MYO7B: variants seen among roughly 807,000 people sequenced by gnomAD.
MYO7B encodes unconventional myosin-VIIb.
Under a neutral mutation model 259.7 loss-of-function variants are expected in MYO7B, and 212 were observed. The ratio of observed to expected loss-of-function variants is 0.82; its 90% CI spans 0.73 to 0.91. MYO7B has a LOEUF of 0.91. Ranked by LOEUF, MYO7B falls within the 40% of genes least tolerant of loss-of-function variation. The pLI is 0.00. For synonymous variants in MYO7B, 1,197 were observed against 1,166.4 expected (o/e 1.03, Z -0.54); for missense variants, 2,732 against 2,813.5 (o/e 0.97, Z 0.66).
In MYO7B at chr2:127,629,744, A is replaced by C. The variant is rs865796006; in HGVS notation, c.4724A>C (p.Asp1575Ala). Residue 1575 changes from aspartate to alanine, a missense_variant, in exon 35 of 48, where the codon GAC becomes GCC. This residue lies in a region of MYO7B where 821 missense variants were observed against 769.3 expected (regional missense o/e 1.07). Transcript: ENST00000409816. ...GAGAACTGGACCCTCGGCCAGAACGACAGGACAGGCAAGACGGGGCTGGTG... is the reference window on the plus strand; with the variant it reads ...GAGAACTGGACCCTCGGCCAGAACGCCAGGACAGGCAAGACGGGGCTGGTG... ...ASENWTLGQN[D>A]RTGKTGLVPM... 1.2e-6 allele frequency: 2 copies of C among 1,612,204 alleles called. No individual in the cohort carries two copies. Among genetic ancestry groups the C allele is most frequent in the Admixed American group, 1.7e-5 (1 of 59,884 alleles).
rs993277026 is a variant in MYO7B at position 127,577,596 on chromosome 2, A to T, written c.850-537A>T. ...CTCCCCACCTCGTGGCCTTGCTCCC[A>T]TCATCCTCTGCCTAAACTGCCCTCT... On this transcript the variant is annotated intron_variant, in intron 8 of 47. Coordinates refer to ENST00000409816, the MANE Select transcript of MYO7B (RefSeq NM_001393586.1). This position sits in a 1 kb window ranked among gnomAD's most constrained non-coding sequence, Gnocchi z 5.2. Among the ~76,000 whole-genome samples, 5 of 151,028 alleles carry T rather than the reference A, an allele frequency of 3.3e-5. No individual in the cohort carries two copies. Among genetic ancestry groups the T allele is most frequent in the Non-Finnish European group, 7.4e-5 (5 of 67,846 alleles).
intron 15 of MYO7B, among the ~76,000 whole-genome samples, 182 bp from the exon 16 acceptor site, chr2:127,589,910 G>C (rs1381526154): frequency 1.0e-4 from 15 of 147,582 alleles, no homozygotes; most frequent in African/African-American, 3.8e-4. Flanking sequence ...ATGGGTGAAG[G>C]GGTGGGTGGA....
chr2:127,636,438 GA>G lies in MYO7B; in HGVS notation c.6124-106del. On this transcript the variant is annotated intron_variant, in intron 45 of 47. Coordinates refer to ENST00000409816, the MANE Select transcript of MYO7B (RefSeq NM_001393586.1). This position sits in a 1 kb window ranked among gnomAD's most constrained non-coding sequence, Gnocchi z 4.5. Reference sequence around the variant, plus strand: ...TTGGGTGGGGCTGGCCGTGAGGCTGGAGGGCGTGGGTGTATGTGTGTATGTG... The same window carrying G: ...TTGGGTGGGGCTGGCCGTGAGGCTGGGGGCGTGGGTGTATGTGTGTATGTG... The G allele has an allele frequency of 7.0e-7, 1 of 1,421,528 alleles. No individual in the cohort carries two copies. Among genetic ancestry groups the G allele is most frequent in the East Asian group, 2.4e-5 (1 of 41,698 alleles). 88.1% of individuals were successfully genotyped at this position (1,421,528 alleles called of 1,614,324 possible).
intron 40 of MYO7B, among the ~76,000 whole-genome samples, chr2:127,633,685 C>A (rs1681641144): frequency 6.6e-6 from 1 of 152,174 alleles, no homozygotes. Context: ...TGCAGGAGAG[C>A]AGGTATTCCC....
chr2:127,553,757 C>T (rs1693538388), intron 1 of MYO7B, among the ~76,000 whole-genome samples: 1 of 152,192 alleles, frequency 6.6e-6, no homozygotes, highest in African/African-American at 2.4e-5. Flanking sequence ...ATTTCTTTCT[C>T]TTGTCTGATT....
rs752990248 is a variant in MYO7B at position 127,578,213 on chromosome 2, C to T, written c.930C>T (p.Phe310=). The T allele has an allele frequency of 3.0e-5, 48 of 1,613,806 alleles. No individual in the cohort carries two copies. In the African/African-American group the frequency reaches 6.0e-4, roughly 20 times the overall value. The change falls in exon 9 of 48, where the codon TTC becomes TTT. Residue 310 remains phenylalanine, a synonymous_variant. Transcript: ENST00000409816. ...HIRSAMKILQ[F]SDSESWDVIK... is the part of the protein sequence containing the mutation. ...GCTCGGCCATGAAGATCCTCCAGTT[C>T]TCCGACTCCGAGAGCTGGGACGTCA...
At position 127,586,487 on chromosome 2, in the gene MYO7B, T is replaced by A. The variant is rs79755705; in HGVS notation, c.1690+1574T>A. ...CATTTAGTCAGAACAGGCTAGGCTT[T>A]GGGAGGCCAAGGGAGAAAGGGAAAG... On this transcript the variant is annotated intron_variant, in intron 14 of 47. Coordinates refer to ENST00000409816, the MANE Select transcript of MYO7B (RefSeq NM_001393586.1). The surrounding 1 kb of genome is among the most constrained non-coding windows in gnomAD (Gnocchi z 4.8). 0.028 allele frequency among the ~76,000 whole-genome samples: 4,206 copies of A among 152,204 alleles called. 217 individuals carry two copies. Among genetic ancestry groups the A allele is most frequent in the African/African-American group, 0.096 (3,991 of 41,506 alleles).
At chr2:127,632,670 TAGAG>T (rs1042539143) in intron 39 of MYO7B, among the ~76,000 whole-genome samples, 13 of 152,146 alleles carry the variant, frequency 8.5e-5, no homozygotes, top group African/African-American at 2.9e-4. Context: ...GCCTGAGGGA[TAGAG>T]AGAAACCTGG....
chr2:127,632,381 C>T lies in MYO7B; in HGVS notation c.5385C>T (p.Arg1795=). 1 of 1,575,800 alleles carries T rather than the reference C, an allele frequency of 6.3e-7. No homozygotes were observed. The highest frequency in any genetic ancestry group is 8.6e-7 in the Non-Finnish European group (1 of 1,160,298). Reference sequence around the variant, plus strand: ...AGCTGCTGGCCCCCGACTGCAGCCGCCGAATCCAGAAGGTCCTGAGGTGAG... The same window carrying T: ...AGCTGCTGGCCCCCGACTGCAGCCGTCGAATCCAGAAGGTCCTGAGGTGAG... ...RGKLLAPDCS[R]RIQKVLRTGP... Residue 1795 remains arginine (R), a synonymous_variant, in exon 39 of 48, where the codon CGC becomes CGT. Coordinates refer to ENST00000409816, the MANE Select transcript of MYO7B (RefSeq NM_001393586.1).
At chr2:127,589,499 C>T (rs968873728) in intron 15 of MYO7B, among the ~76,000 whole-genome samples, 3 of 144,060 alleles carry the variant, frequency 2.1e-5, no homozygotes, top group African/African-American at 2.6e-5. Context: ...GTGGGGGCCA[C>T]GCCTGGGTAG....
At chr2:127,557,080 T>A (rs1421975359) in intron 1 of MYO7B, among the ~76,000 whole-genome samples, 1 of 152,210 alleles carries the variant, frequency 6.6e-6, no homozygotes, top group Non-Finnish European at 1.5e-5. Flanking sequence ...GTTCATTTTT[T>A]AAAAATCTTT....
In MYO7B at chr2:127,636,124, C is replaced by A. The variant is rs1681788453; in HGVS notation, c.6007-84C>A. 1 of 1,237,250 alleles carries A rather than the reference C, an allele frequency of 8.1e-7. No individual in the cohort carries two copies. The highest frequency in any genetic ancestry group is 1.2e-6 in the Non-Finnish European group (1 of 859,328). 76.6% of individuals were successfully genotyped at this position (1,237,250 alleles called of 1,614,324 possible). ...CCCCTCCCCTCCCCACCGTACTAGC[C>A]CTGGGGTAGGCAGGTGCTGCCCCCA... On this transcript the variant is annotated intron_variant, in intron 44 of 47. Transcript: ENST00000409816. The surrounding 1 kb of genome is among the most constrained non-coding windows in gnomAD (Gnocchi z 4.5).
At chr2:127,622,292 C>A (rs558255071) in intron 28 of MYO7B, among the ~76,000 whole-genome samples, 191 bp downstream of exon 28, 1 of 152,242 alleles carries the variant, frequency 6.6e-6, no homozygotes, top group African/African-American at 2.4e-5. Flanking sequence ...CCAGGCGTGA[C>A]CCCCATCTCC....
intron 31 of MYO7B, chr2:127,625,967 C>T (rs1052122395): frequency 1.7e-4 from 28 of 167,694 alleles, no homozygotes; most frequent in Middle Eastern, 5.4e-3. Flanking sequence ...TCTAAACATT[C>T]GATACATATC....
intron 2 of MYO7B, among the ~76,000 whole-genome samples, chr2:127,560,486 C>T (rs1051007656): frequency 3.9e-5 from 6 of 152,140 alleles, no homozygotes; most frequent in African/African-American, 9.7e-5. Context: ...TCCTGTGTTC[C>T]GGTGGCCAAG....
At chr2:127,619,681 A>C (rs1680751942) in intron 26 of MYO7B, among the ~76,000 whole-genome samples, 1 of 152,152 alleles carries the variant, frequency 6.6e-6, no homozygotes, top group Non-Finnish European at 1.5e-5. Flanking sequence ...GAGCTGGTTG[A>C]TAAACATTTA....
chr2:127,607,068 T>C lies in MYO7B; in HGVS notation c.2425-138T>C. ...CACTATTCTTGTGTTCATAGGTGTG[T>C]ACCATTCTAGCACCGGCCCTTTGCC... On this transcript the variant is annotated intron_variant, in intron 20 of 47. Coordinates refer to ENST00000409816, the MANE Select transcript of MYO7B (RefSeq NM_001393586.1). The surrounding 1 kb of genome is among the most constrained non-coding windows in gnomAD (Gnocchi z 4.4). 2 of 737,540 alleles carry C rather than the reference T, an allele frequency of 2.7e-6. No homozygotes were observed. The highest frequency in any genetic ancestry group is 4.4e-6 in the Non-Finnish European group (2 of 449,686). The allele number at this position is 737,540 out of a possible 1,614,324, so 45.7% of individuals were successfully genotyped here.
rs1681220899 is a variant in MYO7B, at chr2:127,627,725, G to C, written c.4460+415G>C. The C allele has an allele frequency of 8.7e-6, 4 of 459,840 alleles. No individual in the cohort carries two copies. Among genetic ancestry groups the C allele is most frequent in the Non-Finnish European group, 1.7e-5 (4 of 229,246 alleles). The allele number at this position is 459,840 out of a possible 1,614,324, so 28.5% of individuals were successfully genotyped here. On this transcript the variant is annotated intron_variant, in intron 33 of 47. Transcript: ENST00000409816. This position sits in a 1 kb window ranked among gnomAD's most constrained non-coding sequence, Gnocchi z 5.6. Reference sequence around the variant, plus strand: ...GTCCTGGGGCACAGGGCAGGGCTGGGGGTCCTCTTAGGCTGGGGCTGACCC... The same window carrying C: ...GTCCTGGGGCACAGGGCAGGGCTGGCGGTCCTCTTAGGCTGGGGCTGACCC...
chr2:127,566,094 G>A (rs1678328139), intron 4 of MYO7B, among the ~76,000 whole-genome samples: 1 of 152,230 alleles, frequency 6.6e-6, no homozygotes, highest in Non-Finnish European at 1.5e-5. Flanking sequence ...TGAAGCCAGA[G>A]GGCACGTCCT....
Sources: gnomAD v4.1 joint callset for allele counts (sites outside exome capture counted in the v4.1 genomes callset) on GRCh38, gnomAD v4.1.1 for gene constraint, gnomAD v4.1.1 regional missense constraint, Gnocchi (gnomAD v3.1) non-coding constraint, MANE v1.5 for transcripts, NCBI Gene and HGNC (gene_info 2026-07-23, HGNC 2026-07-21) for gene names.